The following TAFA5 variants were observed in gnomAD, a reference collection of about 807,000 sequenced individuals.
TAFA5 encodes TAFA chemokine like family member 5, also known as chemokine-like protein TAFA-5.
Under a neutral mutation model 15.3 loss-of-function variants are expected in TAFA5, and 6 were observed. The observed-to-expected ratio is 0.39, with a 90% CI of 0.21 to 0.77. The LOEUF (loss-of-function observed/expected upper bound fraction) is 0.77, where lower values mean the gene tolerates loss of function less well. Among genes scored for constraint, TAFA5 ranks in the 30% least tolerant of loss-of-function variants. The pLI is 0.41. For missense variants in TAFA5, 161 were observed against 193.1 expected (o/e 0.83, Z 0.98); for synonymous variants, 103 against 80.7 (o/e 1.28, Z -1.48).
intron 3 of TAFA5, among the ~76,000 whole-genome samples, chr22:48,744,872 G>A (rs1388374032): frequency 1.3e-5 from 2 of 152,090 alleles, no homozygotes; most frequent in Non-Finnish European, 2.9e-5. Context: ...CGATTCTCCT[G>A]CCTCAGCCTC....
chr22:48,535,757 T>G (rs1922135697), intron 1 of TAFA5, among the ~76,000 whole-genome samples: 1 of 146,410 alleles, frequency 6.8e-6, no homozygotes. Flanking sequence ...ACGGTCACAC[T>G]GGCACATGTA....
chr22:48,734,281 G>A (rs913446211), intron 3 of TAFA5, among the ~76,000 whole-genome samples: 4 of 152,330 alleles, frequency 2.6e-5, no homozygotes, highest in South Asian at 2.1e-4. Flanking sequence ...TGCCATAGAC[G>A]CTGACATGGG....
In TAFA5 at chr22:48,566,969, G is replaced by A. The variant is rs975060788; in HGVS notation, c.112+77265G>A. ...CAGCACTGCTGCCTGCGGACTGGCC[G>A]CACTGGATTCCCCTTTCCCTGCGGA... On this transcript the variant is annotated intron_variant, in intron 1 of 3. Coordinates refer to ENST00000402357, the MANE Select transcript of TAFA5 (RefSeq NM_001082967.3). This position sits in a 1 kb window ranked among gnomAD's most constrained non-coding sequence, Gnocchi z 4.5. 5.3e-5 allele frequency among the ~76,000 whole-genome samples: 8 copies of A among 152,214 alleles called. No individual in the cohort carries two copies. The highest frequency in any genetic ancestry group is 1.2e-4 in the Non-Finnish European group (8 of 68,038).
intron 1 of TAFA5, among the ~76,000 whole-genome samples, chr22:48,630,230 T>C (rs1329868273): frequency 6.6e-6 from 1 of 152,140 alleles, no homozygotes; most frequent in Non-Finnish European, 1.5e-5. Context: ...TGCAGAACGC[T>C]GCTGGGCATC....
chr22:48,730,240 T>C (rs922344377), intron 3 of TAFA5, among the ~76,000 whole-genome samples: 1 of 152,038 alleles, frequency 6.6e-6, no homozygotes, highest in Non-Finnish European at 1.5e-5. Context: ...AAAAATTAGC[T>C]GGGCATGGTG....
intron 3 of TAFA5, among the ~76,000 whole-genome samples, chr22:48,716,963 G>A (rs1192493023): frequency 3.9e-5 from 6 of 152,154 alleles, no homozygotes; most frequent in African/African-American, 7.2e-5. Context: ...AGTTCTGAAC[G>A]ATATAACCTC....
intron 2 of TAFA5, among the ~76,000 whole-genome samples, chr22:48,675,328 C>CG (rs1440077305): frequency 6.6e-6 from 1 of 152,188 alleles, no homozygotes; most frequent in Non-Finnish European, 1.5e-5. Flanking sequence ...CTTCCTGTGG[C>CG]GGGGCCCCCG....
At chr22:48,732,807 A>C (rs1179148077) in intron 3 of TAFA5, among the ~76,000 whole-genome samples, 1 of 152,160 alleles carries the variant, frequency 6.6e-6, no homozygotes, top group Non-Finnish European at 1.5e-5. Context: ...TGTCTTAAGA[A>C]ATTGTCACAT....
At chr22:48,623,331 C>T (rs1370978313) in intron 1 of TAFA5, among the ~76,000 whole-genome samples, 2 of 107,272 alleles carry the variant, frequency 1.9e-5, no homozygotes, top group East Asian at 6.5e-4. Flanking sequence ...GTCGCGTGGC[C>T]CTGCGTGGTG....
Position 48,742,834 on chromosome 22 carries a change from C to T in TAFA5, c.391-7005C>T, listed in dbSNP as rs1394208521. 6.6e-6 allele frequency among the ~76,000 whole-genome samples: 1 copy of T among 152,164 alleles called. No homozygotes were observed. Among genetic ancestry groups the T allele is most frequent in the African/African-American group, 2.4e-5 (1 of 41,450 alleles). ...GGGGCTGAGTCCCCAGCTGGGAGCT[C>T]AGGTGCGATGAAGCCCAAGGGACTG... On this transcript the variant is annotated intron_variant, in intron 3 of 3. Coordinates refer to ENST00000402357, the MANE Select transcript of TAFA5 (RefSeq NM_001082967.3). This position sits in a 1 kb window ranked among gnomAD's most constrained non-coding sequence, Gnocchi z 6.2.
chr22:48,614,154 G>A (rs559744471), intron 1 of TAFA5, among the ~76,000 whole-genome samples: 1 of 152,252 alleles, frequency 6.6e-6, no homozygotes, highest in East Asian at 1.9e-4. Context: ...CCCTGTCTGG[G>A]GCCCCCAGGC....
chr22:48,715,617 G>A (rs1476783220), intron 3 of TAFA5, among the ~76,000 whole-genome samples: 5 of 152,222 alleles, frequency 3.3e-5, no homozygotes, highest in South Asian at 4.1e-4. Context: ...CTGGAACACT[G>A]GCTCTGACCC....
intron 1 of TAFA5, among the ~76,000 whole-genome samples, chr22:48,512,602 G>A (rs1921255290): frequency 6.6e-6 from 1 of 151,650 alleles, no homozygotes; most frequent in South Asian, 2.1e-4. Flanking sequence ...CTCCAGCCTG[G>A]GTGATAGAGC....
chr22:48,665,331 G>A (rs911777140), intron 2 of TAFA5, among the ~76,000 whole-genome samples: 4 of 152,142 alleles, frequency 2.6e-5, no homozygotes, highest in African/African-American at 9.7e-5. Context: ...TTATTCTGTG[G>A]CTGGCCTTCT....
At chr22:48,689,843 C>T (rs930760485) in intron 2 of TAFA5, among the ~76,000 whole-genome samples, 8 of 152,200 alleles carry the variant, frequency 5.3e-5, no homozygotes, top group Admixed American at 6.5e-5. Flanking sequence ...TTCCTGTCCC[C>T]GGTTGGTGTA....
rs981435248 is a variant in TAFA5 at position 48,653,662 on chromosome 22, T to C, written c.262+6916T>C. Reference sequence around the variant, plus strand: ...TCCTTCCAGATCTCGGTGCGTTTAATTGTTGGAAAACCACACAGTAGCTGC... The same window carrying C: ...TCCTTCCAGATCTCGGTGCGTTTAACTGTTGGAAAACCACACAGTAGCTGC... On this transcript the variant is annotated intron_variant, in intron 2 of 3. Coordinates refer to ENST00000402357, the MANE Select transcript of TAFA5 (RefSeq NM_001082967.3). Among the ~76,000 whole-genome samples, 35 of 152,104 alleles carry C rather than the reference T, an allele frequency of 2.3e-4. 1 individual carries two copies. Among genetic ancestry groups the C allele is most frequent in the Non-Finnish European group, 4.4e-5 (3 of 68,000 alleles).
chr22:48,677,292 C>T (rs1021071770), intron 2 of TAFA5, among the ~76,000 whole-genome samples: 6 of 152,260 alleles, frequency 3.9e-5, no homozygotes, highest in Admixed American at 3.9e-4. Context: ...CCTGCCCGCC[C>T]GCTGTGCTCC....
intron 1 of TAFA5, among the ~76,000 whole-genome samples, chr22:48,602,796 A>G (rs1646481016): frequency 6.6e-6 from 1 of 152,102 alleles, no homozygotes; most frequent in South Asian, 2.1e-4. Context: ...GTGGGTGCCA[A>G]GAGATGGTTT....
intron 3 of TAFA5, among the ~76,000 whole-genome samples, chr22:48,749,451 A>C (rs1190302770): frequency 2.6e-5 from 4 of 152,160 alleles, no homozygotes; most frequent in Non-Finnish European, 5.9e-5. Flanking sequence ...GTGGCCTCAG[A>C]GGCCCAGGAA....
Sources: gnomAD v4.1 joint callset for allele counts (sites outside exome capture counted in the v4.1 genomes callset) on GRCh38, gnomAD v4.1.1 for gene constraint, Gnocchi (gnomAD v3.1) non-coding constraint, MANE v1.5 for transcripts, NCBI Gene and HGNC (gene_info 2026-07-23, HGNC 2026-07-21) for gene names.